Variants in AXDND1 observed in about 807,000 individuals in gnomAD.
AXDND1 encodes axonemal dynein light chain domain containing 1.
A neutral mutation model predicts 137.5 loss-of-function variants in AXDND1; 110 were observed. The observed-to-expected ratio is 0.80, with a 90% confidence interval of 0.69 to 0.94. The LOEUF (loss-of-function observed/expected upper bound fraction) is 0.94. Among genes scored for constraint, AXDND1 ranks in the 40% least tolerant of loss-of-function variants. AXDND1 has a pLI of 0.00. For synonymous variants in AXDND1, 414 were observed against 399.7 expected (o/e 1.04, Z -0.43); for missense variants, 1,191 against 1,169.8 (o/e 1.02, Z -0.26).
At chr1:179,534,591 C>A in intron 24 of AXDND1, 139 bp from the exon 25 acceptor site, 10 of 1,092,944 alleles carry the variant, frequency 9.1e-6, no homozygotes, top group South Asian at 2.3e-5. Flanking sequence ...CTCAGTTAAT[C>A]ATTGATGCTG....
chr1:179,406,416 T>C (rs879866626), intron 11 of AXDND1, among the ~76,000 whole-genome samples: 3 of 152,198 alleles, frequency 2.0e-5, no homozygotes, highest in Admixed American at 6.5e-5. Context: ...CTTTGTTAAC[T>C]TTCTGTCTAG....
intron 17 of AXDND1, among the ~76,000 whole-genome samples, chr1:179,470,815 G>A (rs1326717638): frequency 6.6e-6 from 1 of 152,080 alleles, no homozygotes; most frequent in Non-Finnish European, 1.5e-5. Context: ...TTGAATGGAA[G>A]ATGTTGTTCC....
chr1:179,372,776 C>T (rs1369478221), intron 4 of AXDND1, among the ~76,000 whole-genome samples: 3 of 152,008 alleles, frequency 2.0e-5, no homozygotes, highest in East Asian at 1.9e-4. Flanking sequence ...CTCTGCCTCC[C>T]GGGTTCAAGT....
At chr1:179,398,156 G>A (rs1258285633) in intron 11 of AXDND1, among the ~76,000 whole-genome samples, 1 of 152,098 alleles carries the variant, frequency 6.6e-6, no homozygotes, top group African/African-American at 2.4e-5. Context: ...TGATGTTTGG[G>A]TGTTTTTTTC....
chr1:179,374,498 T>G (rs915697975), intron 4 of AXDND1, among the ~76,000 whole-genome samples: 3 of 152,180 alleles, frequency 2.0e-5, no homozygotes, highest in African/African-American at 7.2e-5. Context: ...GGATTATACA[T>G]CATGCTACTA....
At chr1:179,510,254 G>A (rs982221274) in intron 21 of AXDND1, among the ~76,000 whole-genome samples, 1 of 151,976 alleles carries the variant, frequency 6.6e-6, no homozygotes, top group Non-Finnish European at 1.5e-5. Context: ...TCTCAAATCA[G>A]TGACTATCAT....
At chr1:179,488,634 CCTTTCTTTCTTTCTTTCTTTCTTTCTTT>C (rs57848949) in intron 18 of AXDND1, among the ~76,000 whole-genome samples, 1 of 105,170 alleles carries the variant, frequency 9.5e-6, no homozygotes, top group South Asian at 3.0e-4. Context: ...CTCTCTCTCT[CCTTTCTTTCTTTCTTTCTTTCTTTCTTT>C]CTTTCTTTCT....
At chr1:179,448,440 T>C (rs1660042859) in intron 16 of AXDND1, 3 of 538,202 alleles carry the variant, frequency 5.6e-6, no homozygotes, top group Non-Finnish European at 1.0e-5. Flanking sequence ...TTCTGCACCA[T>C]TTTCAGCCAC....
At chr1:179,370,368 C>T (rs1362162023) in intron 4 of AXDND1, among the ~76,000 whole-genome samples, 1 of 152,174 alleles carries the variant, frequency 6.6e-6, no homozygotes, top group Non-Finnish European at 1.5e-5. Context: ...CTGTTGTACC[C>T]TAGTAAAAGG....
intron 16 of AXDND1, among the ~76,000 whole-genome samples, chr1:179,447,026 T>A (rs1467430823): frequency 1.3e-5 from 2 of 152,218 alleles, no homozygotes; most frequent in Non-Finnish European, 2.9e-5. Flanking sequence ...AGGTATCTAT[T>A]ATCCTGAGTA....
chr1:179,434,331 A>G (rs775041984), intron 15 of AXDND1, among the ~76,000 whole-genome samples: 5 of 151,808 alleles, frequency 3.3e-5, no homozygotes, highest in African/African-American at 4.8e-5. Flanking sequence ...AAAAGGAGGG[A>G]CTCCTCCTTA....
At chr1:179,438,092 C>T (rs1485478366) in intron 15 of AXDND1, among the ~76,000 whole-genome samples, 3 of 152,090 alleles carry the variant, frequency 2.0e-5, no homozygotes, top group African/African-American at 7.2e-5. Flanking sequence ...GCAGAGGTTG[C>T]AGTGAGCCAA....
At chr1:179,462,948 T>A (rs1251066342) in intron 16 of AXDND1, among the ~76,000 whole-genome samples, 2 of 152,212 alleles carry the variant, frequency 1.3e-5, no homozygotes, top group Non-Finnish European at 2.9e-5. Context: ...AGTTTGTATT[T>A]CTGTGGGATC....
At chr1:179,505,278 A>G (rs539957668) in intron 20 of AXDND1, among the ~76,000 whole-genome samples, 1 of 148,322 alleles carries the variant, frequency 6.7e-6, no homozygotes, top group Non-Finnish European at 1.5e-5. Context: ...TTTGGATGAC[A>G]TTAGTGAGAG....
chr1:179,518,136 G>A (rs573796496), intron 21 of AXDND1, among the ~76,000 whole-genome samples: 1 of 152,226 alleles, frequency 6.6e-6, no homozygotes, highest in Non-Finnish European at 1.5e-5. Context: ...TCTTTCTATT[G>A]AACTAAATGT....
chr1:179,455,252 G>C (rs1488597274), intron 16 of AXDND1: 2 of 147,026 alleles, frequency 1.4e-5, no homozygotes, highest in Non-Finnish European at 3.0e-5. Flanking sequence ...CCCAGCCTAG[G>C]GGAGAGAGTG....
In AXDND1 at chr1:179,528,612, A is replaced by G. The variant is rs532688211; in HGVS notation, c.2715+181A>G. Among the ~76,000 whole-genome samples, 4 of 151,700 alleles carry G rather than the reference A, an allele frequency of 2.6e-5. No individual in the cohort carries two copies. In the East Asian group the frequency reaches 7.8e-4, roughly 29 times the overall value. ...ACTCCTTTTTTCACCGTAACTTTACAAAAGCTTCTCATTCTCATCTTTAAA... is the reference window on the plus strand; with the variant it reads ...ACTCCTTTTTTCACCGTAACTTTACGAAAGCTTCTCATTCTCATCTTTAAA... On this transcript the variant is annotated intron_variant, in intron 23 of 25. Transcript: ENST00000367618.
chr1:179,413,452 T>C (rs1654197588), intron 12 of AXDND1, among the ~76,000 whole-genome samples: 1 of 152,212 alleles, frequency 6.6e-6, no homozygotes, highest in South Asian at 2.1e-4. Flanking sequence ...CTTGTGTCCA[T>C]GTATACCCAT....
intron 15 of AXDND1, among the ~76,000 whole-genome samples, chr1:179,435,260 A>G (rs1315525208): frequency 6.6e-6 from 1 of 152,222 alleles, no homozygotes; most frequent in African/African-American, 2.4e-5. Flanking sequence ...GAAAATGGCC[A>G]TACTGCCCAA....
Sources: gnomAD v4.1 joint callset for allele counts (sites outside exome capture counted in the v4.1 genomes callset) on GRCh38, gnomAD v4.1.1 for gene constraint, MANE v1.5 for transcripts, NCBI Gene and HGNC (gene_info 2026-07-23, HGNC 2026-07-21) for gene names.